CDH4: variants seen among roughly 807,000 people sequenced by gnomAD.
The protein encoded by CDH4 is cadherin 4.
Under a neutral mutation model 86.0 loss-of-function variants are expected in CDH4, and 33 were observed. That is an observed-to-expected ratio of 0.38 (90% CI 0.29 to 0.51). The LOEUF is 0.51. CDH4 is among the 20% of genes least tolerant of loss of function. The pLI, the probability that CDH4 is intolerant of heterozygous loss-of-function variation, is 0.86. For missense variants in CDH4, 1,114 were observed against 1,307.4 expected, an observed-to-expected ratio of 0.85 and a Z score of 2.28; for synonymous variants, 555 against 549.4, an observed-to-expected ratio of 1.01 and a Z score of -0.14.
chr20:61,821,931 C>T (rs1271244379), intron 4 of CDH4, among the ~76,000 whole-genome samples: 1 of 152,256 alleles, frequency 6.6e-6, no homozygotes, highest in Non-Finnish European at 1.5e-5. Flanking sequence ...TGCCCCGCCT[C>T]CTTGTGTGGG....
At chr20:61,824,545 G>T (rs1352652081) in intron 4 of CDH4, among the ~76,000 whole-genome samples, 2 of 152,122 alleles carry the variant, frequency 1.3e-5, no homozygotes, top group African/African-American at 4.8e-5. Context: ...CGTCTGCCCT[G>T]TTAGAAGATT....
intron 7 of CDH4, among the ~76,000 whole-genome samples, chr20:61,880,724 GT>G (rs1984238862): frequency 6.6e-6 from 1 of 152,236 alleles, no homozygotes; most frequent in Admixed American, 6.5e-5. Flanking sequence ...GAGGGTCGAG[GT>G]TTGGGCGCGG....
At chr20:61,560,145 T>C (rs1434687301) in intron 2 of CDH4, among the ~76,000 whole-genome samples, 1 of 152,184 alleles carries the variant, frequency 6.6e-6, no homozygotes, top group Non-Finnish European at 1.5e-5. Context: ...AGACCCCCTG[T>C]GGCAGACCCT....
At chr20:61,706,686 C>A (rs2087833861) in intron 2 of CDH4, among the ~76,000 whole-genome samples, 1 of 152,122 alleles carries the variant, frequency 6.6e-6, no homozygotes, top group African/African-American at 2.4e-5. Context: ...ACTCCCTGAT[C>A]CCCGATGTGT....
chr20:61,842,209 T>C (rs1411348303), intron 4 of CDH4, among the ~76,000 whole-genome samples: 1 of 152,330 alleles, frequency 6.6e-6, no homozygotes, highest in East Asian at 1.9e-4. Flanking sequence ...CCTCTGTCTC[T>C]GAGGTAAGTG....
chr20:61,548,316 C>T (rs1288799320), intron 2 of CDH4, among the ~76,000 whole-genome samples: 3 of 152,066 alleles, frequency 2.0e-5, no homozygotes, highest in African/African-American at 4.8e-5. Context: ...GGCTGAGGCT[C>T]GGGCAGGCAG....
intron 2 of CDH4, among the ~76,000 whole-genome samples, chr20:61,348,729 G>A (rs952352646): frequency 5.3e-5 from 8 of 152,214 alleles, no homozygotes; most frequent in African/African-American, 1.9e-4. Flanking sequence ...AGTGAGAACA[G>A]GACTTCAGGA....
intron 2 of CDH4, among the ~76,000 whole-genome samples, chr20:61,634,445 A>G (rs1234371241): frequency 6.6e-6 from 1 of 152,174 alleles, no homozygotes; most frequent in Non-Finnish European, 1.5e-5. Flanking sequence ...GGTGACCCTG[A>G]CTTCCGCGAG....
At chr20:61,935,434 G>A (rs2055171442) in intron 15 of CDH4, among the ~76,000 whole-genome samples, 1 of 151,818 alleles carries the variant, frequency 6.6e-6, no homozygotes, top group Admixed American at 6.6e-5. Context: ...CCAAACGTTT[G>A]CCCTGCCCAG....
chr20:61,716,610 A>G (rs1350430534), intron 2 of CDH4, among the ~76,000 whole-genome samples: 3 of 152,196 alleles, frequency 2.0e-5, no homozygotes, highest in South Asian at 2.1e-4. Context: ...CCTTCGCTTC[A>G]TCTAATAGCT....
chr20:61,412,589 G>A lies in CDH4; in HGVS notation c.169+157652G>A, dbSNP rs2085125189. Among the ~76,000 whole-genome samples the A allele has an allele frequency of 2.6e-5, 4 of 152,094 alleles. No homozygotes were observed. In the South Asian group the frequency reaches 8.3e-4, roughly 32 times the overall value. ...TTGGCTCTTATAATTTAATTTCTAG[G>A]ACATCCTGAGACATAGTTAGATCCT... On this transcript the variant is annotated intron_variant, in intron 2 of 15. Coordinates refer to ENST00000614565, the MANE Select transcript of CDH4 (RefSeq NM_001794.5).
At chr20:61,887,113 C>T (rs1600738772) in intron 7 of CDH4, among the ~76,000 whole-genome samples, 1 of 152,134 alleles carries the variant, frequency 6.6e-6, no homozygotes, top group East Asian at 1.9e-4. Context: ...CACCCACCCT[C>T]TCACCCCAGA....
rs1391946423 is a variant in CDH4, at chr20:61,518,299, G to T, written c.170-225264G>T. On this transcript the variant is annotated intron_variant, in intron 2 of 15. Transcript: ENST00000614565. This position sits in a 1 kb window ranked among gnomAD's most constrained non-coding sequence, Gnocchi z 6.3. Reference sequence around the variant, plus strand: ...ACTATAAAGTGGAGGACTCCCAGGTGCAGAGATGGGCTCTTAACCACCTCT... The same window carrying T: ...ACTATAAAGTGGAGGACTCCCAGGTTCAGAGATGGGCTCTTAACCACCTCT... Among the ~76,000 whole-genome samples, 3 of 152,132 alleles carry T rather than the reference G, an allele frequency of 2.0e-5. No homozygotes were observed. Among genetic ancestry groups the T allele is most frequent in the Non-Finnish European group, 4.4e-5 (3 of 68,022 alleles).
intron 2 of CDH4, among the ~76,000 whole-genome samples, chr20:61,492,877 A>G (rs148396431): frequency 1.3e-3 from 205 of 152,342 alleles, no homozygotes; most frequent in African/African-American, 4.8e-3. Context: ...TCCACAGTTA[A>G]GCCAAAACCT....
At chr20:61,408,343 G>T (rs1419525454) in intron 2 of CDH4, among the ~76,000 whole-genome samples, 1 of 152,104 alleles carries the variant, frequency 6.6e-6, no homozygotes, top group Non-Finnish European at 1.5e-5. Context: ...TAACTTGGGG[G>T]GTGGTGTTGC....
At chr20:61,458,874 G>A (rs773360970) in intron 2 of CDH4, among the ~76,000 whole-genome samples, 15 of 151,838 alleles carry the variant, frequency 9.9e-5, no homozygotes, top group Non-Finnish European at 1.9e-4. Flanking sequence ...GTGAATTCAC[G>A]CTCTGCCCCA....
chr20:61,313,343 G>A (rs1021835928), intron 2 of CDH4, among the ~76,000 whole-genome samples: 1 of 152,204 alleles, frequency 6.6e-6, no homozygotes, highest in East Asian at 1.9e-4. Flanking sequence ...ACCTGCAGCC[G>A]GGTGGGGAAG....
intron 4 of CDH4, among the ~76,000 whole-genome samples, chr20:61,800,637 C>T (rs1979779779): frequency 6.6e-6 from 1 of 152,212 alleles, no homozygotes; most frequent in Admixed American, 6.5e-5. Context: ...GCCCTTAGGA[C>T]CTGACAACCT....
At chr20:61,877,581 T>C (rs908954048) in intron 7 of CDH4, among the ~76,000 whole-genome samples, 1 of 152,068 alleles carries the variant, frequency 6.6e-6, no homozygotes, top group Non-Finnish European at 1.5e-5. Context: ...GGAGGCCCCG[T>C]CTGGTGCATC....
Sources: gnomAD v4.1 joint callset for allele counts (sites outside exome capture counted in the v4.1 genomes callset) on GRCh38, gnomAD v4.1.1 for gene constraint, Gnocchi (gnomAD v3.1) non-coding constraint, MANE v1.5 for transcripts, NCBI Gene and HGNC (gene_info 2026-07-23, HGNC 2026-07-21) for gene names.